The following MACROD2 variants were observed in gnomAD, a reference collection of about 807,000 sequenced individuals.
MACROD2 encodes ADP-ribose glycohydrolase MACROD2.
A neutral mutation model predicts 70.4 loss-of-function variants in MACROD2; 36 were observed. That is an observed-to-expected ratio of 0.51 (90% confidence interval 0.39 to 0.68). MACROD2 has a LOEUF of 0.68. Among genes scored for constraint, MACROD2 ranks in the 30% least tolerant of loss-of-function variants. MACROD2 has a pLI of 0.00. For synonymous variants in MACROD2, 172 were observed against 178.8 expected (o/e 0.96, Z 0.30); for missense variants, 496 against 538.4 (o/e 0.92, Z 0.78).
rs957819790 is a variant in MACROD2 at position 14,637,922 on chromosome 20, T to C, written c.302-46921T>C. On this transcript the variant is annotated intron_variant, in intron 4 of 17. Transcript: ENST00000684519. ...GTTGACTTCCAAAAAATGTTTCTTG[T>C]CAAGCTCCTGTCAGGATTTTGGAAG... 6.8e-4 allele frequency among the ~76,000 whole-genome samples: 103 copies of C among 152,334 alleles called. 1 individual carries two copies. The highest frequency in any genetic ancestry group is 2.4e-3 in the African/African-American group (98 of 41,580).
chr20:15,527,356 T>C (rs922316938), intron 8 of MACROD2, among the ~76,000 whole-genome samples: 5 of 152,230 alleles, frequency 3.3e-5, no homozygotes, highest in African/African-American at 4.8e-5. Flanking sequence ...TGTAATCTTA[T>C]GAAATAAGAA....
chr20:14,136,355 G>A (rs2054797828), intron 3 of MACROD2, among the ~76,000 whole-genome samples: 1 of 152,150 alleles, frequency 6.6e-6, no homozygotes, highest in South Asian at 2.1e-4. Flanking sequence ...TGTAATCCTA[G>A]CACTTTGGGA....
intron 4 of MACROD2, among the ~76,000 whole-genome samples, chr20:14,636,854 G>A (rs536725845): frequency 5.9e-5 from 9 of 152,228 alleles, no homozygotes; most frequent in East Asian, 1.9e-4. Context: ...GTCAAAATCA[G>A]GGTAAGGGAA....
intron 3 of MACROD2, among the ~76,000 whole-genome samples, chr20:14,441,189 G>C (rs1186821846): frequency 6.6e-6 from 1 of 152,132 alleles, no homozygotes; most frequent in East Asian, 1.9e-4. Context: ...AAGAGACCTT[G>C]CACCTTTCAC....
chr20:15,374,759 T>A (rs2074203994), intron 6 of MACROD2, among the ~76,000 whole-genome samples: 2 of 152,332 alleles, frequency 1.3e-5, no homozygotes, highest in Non-Finnish European at 2.9e-5. Context: ...CATCATTGCA[T>A]TTATAACTAT....
At chr20:14,025,320 T>G (rs1434956137) in intron 2 of MACROD2, among the ~76,000 whole-genome samples, 1 of 152,210 alleles carries the variant, frequency 6.6e-6, no homozygotes, top group East Asian at 1.9e-4. Context: ...CACCAGCTCC[T>G]GGATTCATTG....
At chr20:15,385,180 T>A (rs1164303513) in intron 6 of MACROD2, among the ~76,000 whole-genome samples, 1 of 152,166 alleles carries the variant, frequency 6.6e-6, no homozygotes, top group East Asian at 1.9e-4. Flanking sequence ...TATCTACACA[T>A]GGCAGATTCA....
intron 6 of MACROD2, among the ~76,000 whole-genome samples, chr20:15,258,347 G>A (rs913706942): frequency 4.6e-5 from 7 of 152,056 alleles, no homozygotes; most frequent in African/African-American, 1.7e-4. Context: ...ACTCACTCCT[G>A]AAGGCAGCTT....
At chr20:14,876,898 A>T (rs1012344151) in intron 5 of MACROD2, among the ~76,000 whole-genome samples, 1 of 152,120 alleles carries the variant, frequency 6.6e-6, no homozygotes, top group African/African-American at 2.4e-5. Flanking sequence ...AGGTAATGTG[A>T]TGCCTCTGAC....
rs371253051 is a variant in MACROD2, at chr20:15,572,511, A to G, written c.645+72664A>G. ...ATCTGTCTAAGGTTTATTCACTCTG[A>G]TAAGAACTGCTGGTAAATTTAGCTA... On this transcript the variant is annotated intron_variant, in intron 8 of 17. Coordinates refer to ENST00000684519, the MANE Select transcript of MACROD2 (RefSeq NM_001351661.2). Among the ~76,000 whole-genome samples, 5 of 152,266 alleles carry G rather than the reference A, an allele frequency of 3.3e-5. No individual in the cohort carries two copies. The East Asian group carries it at 5.8e-4, about 18-fold the overall frequency.
chr20:15,468,787 C>A (rs909736392), intron 7 of MACROD2, among the ~76,000 whole-genome samples: 2 of 152,182 alleles, frequency 1.3e-5, no homozygotes, highest in African/African-American at 4.8e-5. Context: ...TCCCTGTCAG[C>A]AATCTCAATC....
At chr20:15,057,931 C>T (rs1226044606) in intron 5 of MACROD2, among the ~76,000 whole-genome samples, 1 of 152,108 alleles carries the variant, frequency 6.6e-6, no homozygotes, top group Non-Finnish European at 1.5e-5. Flanking sequence ...CTTGATTTGT[C>T]TATGACTTTC....
intron 2 of MACROD2, among the ~76,000 whole-genome samples, chr20:14,080,932 A>G (rs962722399): frequency 6.6e-6 from 1 of 152,210 alleles, no homozygotes; most frequent in African/African-American, 2.4e-5. Flanking sequence ...CTTTTCATGT[A>G]TGGGTAACTT....
chr20:15,922,991 G>A (rs777802921), intron 10 of MACROD2, among the ~76,000 whole-genome samples: 4 of 152,080 alleles, frequency 2.6e-5, no homozygotes, highest in Non-Finnish European at 5.9e-5. Context: ...ACAAATATTA[G>A]TATAGCCATG....
intron 5 of MACROD2, among the ~76,000 whole-genome samples, chr20:14,915,050 T>C (rs2074074672): frequency 6.6e-6 from 1 of 152,192 alleles, no homozygotes; most frequent in South Asian, 2.1e-4. Context: ...GGATTAAAAA[T>C]ATTGTGTTTT....
At chr20:15,742,762 C>A (rs2051123815) in intron 8 of MACROD2, among the ~76,000 whole-genome samples, 1 of 152,186 alleles carries the variant, frequency 6.6e-6, no homozygotes, top group South Asian at 2.1e-4. Flanking sequence ...ATCCAGCTTT[C>A]AAAAGCCAAC....
intron 3 of MACROD2, among the ~76,000 whole-genome samples, chr20:14,141,553 C>G (rs1434891169): frequency 1.3e-5 from 2 of 151,760 alleles, no homozygotes; most frequent in Non-Finnish European, 2.9e-5. Context: ...CGGGACCGGC[C>G]TGTCCAACAT....
intron 3 of MACROD2, among the ~76,000 whole-genome samples, chr20:14,311,706 C>T (rs955967761): frequency 5.3e-5 from 8 of 152,012 alleles, no homozygotes; most frequent in East Asian, 3.9e-4. Context: ...TTAGTAGAGA[C>T]GGGGTTTCAC....
At chr20:15,226,894 G>A (rs1345011715) in intron 5 of MACROD2, among the ~76,000 whole-genome samples, 1 of 152,056 alleles carries the variant, frequency 6.6e-6, no homozygotes, top group African/African-American at 2.4e-5. Flanking sequence ...GGCTGGAGCT[G>A]GAATTCAAAG....
Sources: allele counts gnomAD v4.1 joint callset (sites outside exome capture counted in the v4.1 genomes callset), GRCh38; gene constraint gnomAD v4.1.1; transcripts MANE v1.5; gene names NCBI Gene and HGNC (gene_info 2026-07-23, HGNC 2026-07-21).